Variants in SHISA6 observed in about 807,000 individuals in gnomAD.
SHISA6 encodes the protein protein shisa-6.
A neutral mutation model predicts 47.9 loss-of-function variants in SHISA6; 22 were observed. That is an observed-to-expected ratio of 0.46 (90% confidence interval 0.33 to 0.66). SHISA6 has a LOEUF of 0.66. Among genes scored for constraint, SHISA6 ranks in the 30% least tolerant of loss-of-function variants. SHISA6 has a pLI of 0.02. For synonymous variants in SHISA6, 388 were observed against 337.8 expected (o/e 1.15, Z -1.63); for missense variants, 680 against 764.6 (o/e 0.89, Z 1.30).
chr17:11,563,312 A>T lies in SHISA6; in HGVS notation c.*5008A>T, dbSNP rs2072062975. On this transcript the variant is annotated 3_prime_UTR_variant, in exon 6 of 6. Transcript: ENST00000441885. ...CTCCATTCCAACTGGAGGAGGAGGC[A>T]TCTCCATCTGGGCTGCTAGGAAGGG... The T allele has an allele frequency of 6.6e-6, 1 of 152,216 alleles. No homozygotes were observed. The highest frequency in any genetic ancestry group is 1.5e-5 in the Non-Finnish European group (1 of 68,042). The allele number at this position is 152,216 out of a possible 1,614,324, so 9.4% of individuals were successfully genotyped here.
intron 2 of SHISA6, among the ~76,000 whole-genome samples, chr17:11,265,381 C>A (rs1460861987): frequency 6.6e-6 from 1 of 152,114 alleles, no homozygotes; most frequent in African/African-American, 2.4e-5. Flanking sequence ...TGTCTGGGCC[C>A]CATCCCCAGA....
intron 1 of SHISA6, among the ~76,000 whole-genome samples, chr17:11,245,300 A>C (rs57704562): frequency 0.081 from 12,397 of 152,226 alleles, 508 homozygotes; most frequent in East Asian, 0.18. Context: ...CCGGAAGCCC[A>C]ATTCCTACCA....
intron 3 of SHISA6, among the ~76,000 whole-genome samples, chr17:11,435,268 A>C (rs1228079184): frequency 2.6e-5 from 4 of 152,132 alleles, no homozygotes; most frequent in Non-Finnish European, 4.4e-5. Context: ...TCAAAAATTG[A>C]AGCTGCTAGG....
chr17:11,485,421 T>C (rs1204005684), intron 3 of SHISA6, among the ~76,000 whole-genome samples: 1 of 152,184 alleles, frequency 6.6e-6, no homozygotes, highest in Non-Finnish European at 1.5e-5. Context: ...CGGGGATGCC[T>C]AGCTTCCAGG....
chr17:11,414,098 G>A (rs1308676101), intron 3 of SHISA6, among the ~76,000 whole-genome samples: 4 of 144,930 alleles, frequency 2.8e-5, no homozygotes, highest in African/African-American at 1.0e-4. Context: ...CCCTCCCATT[G>A]CTCCTCCTTT....
chr17:11,418,208 T>A (rs205041), intron 3 of SHISA6, among the ~76,000 whole-genome samples: 74,671 of 151,686 alleles, frequency 0.49, 18,938 homozygotes, highest in Non-Finnish European at 0.54. Context: ...GAATTTTTTT[T>A]AAAAAAATCT....
At chr17:11,318,149 C>G (rs761646964) in intron 2 of SHISA6, among the ~76,000 whole-genome samples, 12 of 151,900 alleles carry the variant, frequency 7.9e-5, no homozygotes, top group Non-Finnish European at 1.5e-5. Context: ...AAAAATGGAG[C>G]ATTACTTCCT....
rs146694211 is a variant in SHISA6, at chr17:11,518,579, G to A, written c.896-33317G>A. Among the ~76,000 whole-genome samples the A allele has an allele frequency of 2.7e-3, 406 of 152,194 alleles. 5 individuals are homozygous for A. The highest frequency in any genetic ancestry group is 1.8e-3 in the Non-Finnish European group (121 of 68,020). Reference sequence around the variant, plus strand: ...TCAGATTGGGGTTTGACACTCCCAGGTATCTTATTGTTTTTCTCTAACATG... The same window carrying A: ...TCAGATTGGGGTTTGACACTCCCAGATATCTTATTGTTTTTCTCTAACATG... On this transcript the variant is annotated intron_variant, in intron 3 of 5. Coordinates refer to ENST00000441885, the MANE Select transcript of SHISA6 (RefSeq NM_207386.4).
At chr17:11,556,320 C>A (rs1020473320) in intron 5 of SHISA6, among the ~76,000 whole-genome samples, 7 of 152,176 alleles carry the variant, frequency 4.6e-5, no homozygotes, top group Non-Finnish European at 8.8e-5. Flanking sequence ...CTTCTCCAAC[C>A]CAGCCAACAG....
intron 2 of SHISA6, among the ~76,000 whole-genome samples, chr17:11,355,532 A>C (rs528088609): frequency 6.6e-6 from 1 of 152,346 alleles, no homozygotes; most frequent in African/African-American, 2.4e-5. Flanking sequence ...GGCCTGATGG[A>C]AGGACAAGGG....
At chr17:11,515,659 T>C (rs1431510313) in intron 3 of SHISA6, among the ~76,000 whole-genome samples, 1 of 152,158 alleles carries the variant, frequency 6.6e-6, no homozygotes, top group African/African-American at 2.4e-5. Flanking sequence ...AGGCAGAATG[T>C]ACCCTTTGTG....
In SHISA6 at chr17:11,542,370, C is replaced by T. The variant is rs575254570; in HGVS notation, c.896-9526C>T. ...AAAAGCCTGTCAACCAAGAATTCTA[C>T]ATACAGCAAAAATAATCTTCAAAAA... is the stretch of plus-strand genomic sequence containing the variant. On this transcript the variant is annotated intron_variant, in intron 3 of 5. Transcript: ENST00000441885. Among the ~76,000 whole-genome samples, 54 of 147,368 alleles carry T rather than the reference C, an allele frequency of 3.7e-4. 1 individual carries two copies. Among genetic ancestry groups the T allele is most frequent in the Non-Finnish European group, 6.4e-4 (43 of 67,120 alleles).
At chr17:11,457,099 C>T (rs750247571) in intron 3 of SHISA6, among the ~76,000 whole-genome samples, 1 of 152,160 alleles carries the variant, frequency 6.6e-6, no homozygotes, top group African/African-American at 2.4e-5. Flanking sequence ...AAGAGCCTAT[C>T]TGCAAATCTC....
intron 3 of SHISA6, among the ~76,000 whole-genome samples, chr17:11,546,035 G>A (rs2071880756): frequency 6.6e-6 from 1 of 152,196 alleles, no homozygotes; most frequent in Non-Finnish European, 1.5e-5. Context: ...CCTATCTAAT[G>A]AGTGGATGGC....
chr17:11,387,602 C>G (rs993475199), intron 3 of SHISA6, among the ~76,000 whole-genome samples: 6 of 152,100 alleles, frequency 3.9e-5, no homozygotes, highest in Non-Finnish European at 8.8e-5. Context: ...ATAGTCTAAC[C>G]AGCATAAGAG....
intron 3 of SHISA6, among the ~76,000 whole-genome samples, chr17:11,495,141 C>G (rs541951984): frequency 1.2e-4 from 19 of 152,264 alleles, no homozygotes; most frequent in African/African-American, 4.6e-4. Flanking sequence ...GGGATAGACC[C>G]AAACCTCGGG....
intron 3 of SHISA6, among the ~76,000 whole-genome samples, chr17:11,412,690 G>A (rs146007291): frequency 4.6e-5 from 7 of 151,900 alleles, no homozygotes; most frequent in Non-Finnish European, 8.8e-5. Context: ...TACAGGCACC[G>A]GCCACCGTGC....
chr17:11,435,763 T>C (rs961557426), intron 3 of SHISA6, among the ~76,000 whole-genome samples: 3 of 152,180 alleles, frequency 2.0e-5, no homozygotes, highest in Non-Finnish European at 2.9e-5. Context: ...AGTGTATCCA[T>C]AGCTGTGCAG....
In SHISA6 at chr17:11,535,280, A is replaced by T. The variant is rs566270033; in HGVS notation, c.896-16616A>T. Among the ~76,000 whole-genome samples, 44 of 152,324 alleles carry T rather than the reference A, an allele frequency of 2.9e-4. No homozygotes were observed. In the South Asian group the frequency reaches 8.7e-3, roughly 30 times the overall value. Reference sequence around the variant, plus strand: ...CAGTGCTATGCATGGAGATTCCCAGAAAAAGAGCACTCATTGCCCAACTCC... The same window carrying T: ...CAGTGCTATGCATGGAGATTCCCAGTAAAAGAGCACTCATTGCCCAACTCC... On this transcript the variant is annotated intron_variant, in intron 3 of 5. Coordinates refer to ENST00000441885, the MANE Select transcript of SHISA6 (RefSeq NM_207386.4).
Sources: allele counts gnomAD v4.1 joint callset (sites outside exome capture counted in the v4.1 genomes callset), GRCh38; gene constraint gnomAD v4.1.1; transcripts MANE v1.5; gene names NCBI Gene and HGNC (gene_info 2026-07-23, HGNC 2026-07-21).